Variants in BMPR2 observed in about 807,000 individuals in gnomAD.
BMPR2 encodes bone morphogenetic protein receptor type-2.
Under a neutral mutation model 100.8 loss-of-function variants are expected in BMPR2, and 29 were observed. The observed-to-expected ratio is 0.29, with a 90% CI of 0.21 to 0.39. The LOEUF is 0.39. BMPR2 is among the 10% of genes least tolerant of loss of function. The pLI is 1.00. For missense variants in BMPR2, 1,011 were observed against 1,274.5 expected, an observed-to-expected ratio of 0.79 and a Z score of 3.15; for synonymous variants, 382 against 442.3, an observed-to-expected ratio of 0.86 and a Z score of 1.71.
At chr2:202,516,957 A>G (rs1449117550) in intron 5 of BMPR2, among the ~76,000 whole-genome samples, 56 of 152,226 alleles carry the variant, frequency 3.7e-4, no homozygotes, top group Admixed American at 6.5e-5. Flanking sequence ...AGCAATCCCC[A>G]GAAGCCAAAA....
intron 1 of BMPR2, among the ~76,000 whole-genome samples, chr2:202,407,893 G>A (rs1690935482): frequency 6.6e-6 from 1 of 151,290 alleles, no homozygotes; most frequent in Non-Finnish European, 1.5e-5. Flanking sequence ...AAGTGCAGTG[G>A]CGTGATCTCG....
At chr2:202,477,898 G>C (rs1692582936) in intron 3 of BMPR2, among the ~76,000 whole-genome samples, 1 of 152,142 alleles carries the variant, frequency 6.6e-6, no homozygotes, top group African/African-American at 2.4e-5. Flanking sequence ...TTAGCAATAA[G>C]TAAGAGGCAG....
At chr2:202,513,592 C>T in intron 3 of BMPR2, 127 bp from the exon 4 acceptor site, 5 of 627,690 alleles carry the variant, frequency 8.0e-6, no homozygotes, top group African/African-American at 1.9e-5. Flanking sequence ...TCTTTCATTT[C>T]CTTTGATGCA....
rs893219947 is a variant in BMPR2, at chr2:202,560,409, C to T, written c.*463C>T. On this transcript the variant is annotated 3_prime_UTR_variant, in exon 13 of 13. Coordinates refer to ENST00000374580, the MANE Select transcript of BMPR2 (RefSeq NM_001204.7). ...GTTTTTATGTTGATACGTTCCTGAA[C>T]ATATTATCTTGTTGGACATCTTTTC... 2 of 173,468 alleles carry T rather than the reference C, an allele frequency of 1.2e-5. No individual in the cohort carries two copies. The highest frequency in any genetic ancestry group is 4.8e-5 in the African/African-American group (2 of 41,590). The allele number at this position is 173,468 out of a possible 1,614,324, so 10.7% of individuals were successfully genotyped here.
intron 1 of BMPR2, among the ~76,000 whole-genome samples, chr2:202,445,190 C>T (rs1255964888): frequency 6.7e-6 from 1 of 150,358 alleles, no homozygotes. Flanking sequence ...AGGAGTCCCA[C>T]AAGATATGCA....
At chr2:202,438,244 T>C (rs1209421897) in intron 1 of BMPR2, among the ~76,000 whole-genome samples, 2 of 149,792 alleles carry the variant, frequency 1.3e-5, no homozygotes, top group African/African-American at 2.5e-5. Context: ...ACCCGGGAGG[T>C]GGAGGTTGCG....
chr2:202,464,446 A>T (rs1042710663), intron 1 of BMPR2, among the ~76,000 whole-genome samples: 2 of 152,226 alleles, frequency 1.3e-5, no homozygotes, highest in African/African-American at 4.8e-5. Flanking sequence ...TTCCAGAATT[A>T]TTCAGCCTTC....
At chr2:202,505,309 C>T (rs1687497403) in intron 3 of BMPR2, 1 of 149,706 alleles carries the variant, frequency 6.7e-6, no homozygotes, top group Non-Finnish European at 1.5e-5. Context: ...GTTTCTTCAC[C>T]TATCCTGTAG....
chr2:202,382,267 C>G (rs1161395274), intron 1 of BMPR2, among the ~76,000 whole-genome samples: 1 of 152,062 alleles, frequency 6.6e-6, no homozygotes, highest in East Asian at 1.9e-4. Context: ...ACTATGCTAG[C>G]CAGGCCGGTC....
At chr2:202,541,310 G>A (rs1688268049) in intron 9 of BMPR2, among the ~76,000 whole-genome samples, 1 of 152,004 alleles carries the variant, frequency 6.6e-6, no homozygotes, top group Admixed American at 6.6e-5. Context: ...TGGGCATGGT[G>A]CCACACTCTT....
intron 9 of BMPR2, among the ~76,000 whole-genome samples, chr2:202,542,003 C>T (rs921699315): frequency 9.9e-5 from 15 of 151,540 alleles, no homozygotes; most frequent in East Asian, 5.8e-4. Flanking sequence ...CCAAGCTACT[C>T]GGGAGGCTGA....
intron 3 of BMPR2, among the ~76,000 whole-genome samples, chr2:202,510,015 A>G (rs1687591030): frequency 6.6e-6 from 1 of 152,226 alleles, no homozygotes; most frequent in African/African-American, 2.4e-5. Context: ...CTTGAATTAC[A>G]CAAGAATGTA....
At chr2:202,409,411 A>G (rs1690966993) in intron 1 of BMPR2, among the ~76,000 whole-genome samples, 1 of 152,068 alleles carries the variant, frequency 6.6e-6, no homozygotes, top group Non-Finnish European at 1.5e-5. Context: ...CAAAAACCCC[A>G]CAGGTATATG....
chr2:202,508,178 C>T lies in BMPR2; in HGVS notation c.419-5541C>T, dbSNP rs540930280. On this transcript the variant is annotated intron_variant, in intron 3 of 12. Transcript: ENST00000374580. ...TGTGATCTTGGCTTACTGCAACCTT[C>T]GCCTCCTAGGTTCAAGCGATTCTTC... Among the ~76,000 whole-genome samples, 134 of 150,458 alleles carry T rather than the reference C, an allele frequency of 8.9e-4. 2 individuals carry two copies. Among genetic ancestry groups the T allele is most frequent in the African/African-American group, 3.2e-3 (131 of 40,982 alleles).
Position 202,377,250 on chromosome 2 carries a change from G to A in BMPR2, c.-225G>A. ...AGGGCCGCGGCACCCCGTCCGAGGCGAAGGAACCCCCCCAGCCGCGAGGGA... is the reference window on the plus strand; with the variant it reads ...AGGGCCGCGGCACCCCGTCCGAGGCAAAGGAACCCCCCCAGCCGCGAGGGA... On this transcript the variant is annotated 5_prime_UTR_variant, in exon 1 of 13. Coordinates refer to ENST00000374580, the MANE Select transcript of BMPR2 (RefSeq NM_001204.7). 1.6e-6 allele frequency: 1 copy of A among 617,722 alleles called. No homozygotes were observed. The highest frequency in any genetic ancestry group is 2.9e-6 in the Non-Finnish European group (1 of 341,878). The allele number at this position is 617,722 out of a possible 1,614,324, so 38.3% of individuals were successfully genotyped here.
intron 8 of BMPR2, among the ~76,000 whole-genome samples, chr2:202,531,930 A>ATT (rs71035015): frequency 0.23 from 12,135 of 52,084 alleles, 4,180 homozygotes; most frequent in Middle Eastern, 0.33. Context: ...GCCCAGCTGT[A>ATT]TTTTTTTTTT....
rs957281183 is a variant in BMPR2 at position 202,567,583 on chromosome 2, T to C, written c.*7637T>C. On this transcript the variant is annotated 3_prime_UTR_variant, in exon 13 of 13. Transcript: ENST00000374580. ...GACATTAAGCCACTAAAGAGTTTTCTATGAATAAGTGTAAGTAAATGCTTT... is the reference window on the plus strand; with the variant it reads ...GACATTAAGCCACTAAAGAGTTTTCCATGAATAAGTGTAAGTAAATGCTTT... 2 of 152,634 alleles carry C rather than the reference T, an allele frequency of 1.3e-5. No homozygotes were observed. Among genetic ancestry groups the C allele is most frequent in the Non-Finnish European group, 2.9e-5 (2 of 68,034 alleles). The allele number at this position is 152,634 out of a possible 1,614,324, so 9.5% of individuals were successfully genotyped here. A position where few individuals can be genotyped will look rare whatever the true frequency, so the allele number is the denominator to read the frequency against.
Position 202,420,537 on chromosome 2 carries a change from A to ATT in BMPR2, c.76+43015_76+43016dup, listed in dbSNP as rs10555458. On this transcript the variant is annotated intron_variant, in intron 1 of 12. Coordinates refer to ENST00000374580, the MANE Select transcript of BMPR2 (RefSeq NM_001204.7). ...GTATGCAAACATCTGTAGAAGCATGATTTTTTTTTTTTTTTTTTTTTTTTT... is the reference window on the plus strand; with the variant it reads ...GTATGCAAACATCTGTAGAAGCATGATTTTTTTTTTTTTTTTTTTTTTTTTTT... Among the ~76,000 whole-genome samples, 59 of 58,988 alleles carry ATT rather than the reference A, an allele frequency of 1.0e-3. 2 individuals are homozygous for ATT. The highest frequency in any genetic ancestry group is 1.3e-3 in the Non-Finnish European group (43 of 33,320). 38.7% of individuals were successfully genotyped at this position (58,988 alleles called of 152,430 possible). A position where few individuals can be genotyped will look rare whatever the true frequency, so the allele number is the denominator to read the frequency against.
intron 11 of BMPR2, among the ~76,000 whole-genome samples, chr2:202,554,948 A>T (rs1688536575): frequency 6.6e-6 from 1 of 152,228 alleles, no homozygotes; most frequent in Non-Finnish European, 1.5e-5. Flanking sequence ...TATATATTTC[A>T]TGATGTTATA....
Sources: allele counts gnomAD v4.1 joint callset (sites outside exome capture counted in the v4.1 genomes callset), GRCh38; gene constraint gnomAD v4.1.1; transcripts MANE v1.5; gene names NCBI Gene and HGNC (gene_info 2026-07-23, HGNC 2026-07-21).